NGEF: variants seen among roughly 807,000 people sequenced by gnomAD.
NGEF encodes the protein neuronal guanine nucleotide exchange factor, also known as ephexin-1.
A neutral mutation model predicts 80.9 loss-of-function variants in NGEF; 31 were observed. The ratio of observed to expected loss-of-function variants is 0.38; its 90% CI spans 0.29 to 0.52. The LOEUF (loss-of-function observed/expected upper bound fraction) is 0.52. Ranked by LOEUF, NGEF falls within the 20% of genes least tolerant of loss-of-function variation. The pLI is 0.84. For synonymous variants in NGEF, 371 were observed against 370.2 expected, an observed-to-expected ratio of 1.00 and a Z score of -0.03; for missense variants, 709 against 926.2, an observed-to-expected ratio of 0.77 and a Z score of 3.04.
intron 3 of NGEF, among the ~76,000 whole-genome samples, chr2:232,929,407 C>T (rs1002780312): frequency 2.6e-5 from 4 of 152,148 alleles, no homozygotes; most frequent in Non-Finnish European, 4.4e-5. Context: ...GCTCTCCTCC[C>T]CACGTGGTCT....
chr2:232,883,875 C>T lies in NGEF; in HGVS notation c.1601+106G>A, dbSNP rs1302975385. ...CAGACCTTTAAACCTGACCGAAGAG[C>T]CCAAGCTCTGTCCCGACACCCCCAA... is the stretch of plus-strand genomic sequence containing the variant. On this transcript the variant is annotated intron_variant, in intron 11 of 14. Transcript: ENST00000264051. The T allele has an allele frequency of 1.4e-5, 17 of 1,223,278 alleles. No homozygotes were observed. The Admixed American group carries it at 4.6e-4, about 33-fold the overall frequency. The allele number at this position is 1,223,278 out of a possible 1,614,324, so 75.8% of individuals were successfully genotyped here. A position where few individuals can be genotyped will look rare whatever the true frequency, so the allele number is the denominator to read the frequency against.
chr2:232,888,654 G>GTGTAT (rs1431790379), intron 8 of NGEF, among the ~76,000 whole-genome samples: 80 of 152,344 alleles, frequency 5.3e-4, no homozygotes, highest in African/African-American at 1.9e-3. Flanking sequence ...CAGCAGTGAG[G>GTGTAT]ACTGTCACGC....
rs1691413793 is a variant in NGEF, at chr2:232,879,430, C to CCA, written c.*58_*59insTG. ...CCTGTGCTTCCCAGAGCCCCCCCCC[C>CCA]CCCACCTTCTGTCGGGGTCTCATGC... On this transcript the variant is annotated 3_prime_UTR_variant, in exon 15 of 15. Coordinates refer to ENST00000264051, the MANE Select transcript of NGEF (RefSeq NM_019850.3). 7 of 1,465,556 alleles carry CCA rather than the reference C, an allele frequency of 4.8e-6. No individual in the cohort carries two copies. The South Asian group carries it at 9.3e-5, about 19-fold the overall frequency. 90.8% of individuals were successfully genotyped at this position (1,465,556 alleles called of 1,614,324 possible). A position where few individuals can be genotyped will look rare whatever the true frequency, so the allele number is the denominator to read the frequency against.
chr2:232,970,936 A>G (rs1381626776), intron 2 of NGEF, among the ~76,000 whole-genome samples: 2 of 152,250 alleles, frequency 1.3e-5, no homozygotes, highest in Non-Finnish European at 2.9e-5. Context: ...AGGGCAATAA[A>G]ACCATAACGA....
intron 1 of NGEF, among the ~76,000 whole-genome samples, chr2:232,975,315 A>C (rs1323425321): frequency 6.6e-6 from 1 of 152,220 alleles, no homozygotes; most frequent in Admixed American, 6.5e-5. Context: ...GAGGGACCGT[A>C]AATGTCTAGA....
At chr2:232,898,688 C>T (rs1692173029) in intron 5 of NGEF, among the ~76,000 whole-genome samples, 1 of 152,224 alleles carries the variant, frequency 6.6e-6, no homozygotes, top group Non-Finnish European at 1.5e-5. Flanking sequence ...TCCTTCGTTC[C>T]ACAAATGCTC....
rs1225717174 is a variant in NGEF at position 232,891,446 on chromosome 2, T to C, written c.1184A>G (p.Glu395Gly). ...CAGCCCCCTGCACTTGGGGTCGAGC[T>C]CTAGCTGCGCGATCAGCTCCCGGAA... ...AAFRELIAQLELDPKCRGLPF... is the reference protein window; with the variant it reads ...AAFRELIAQLGLDPKCRGLPF... The change falls in exon 8 of 15, where the codon GAG becomes GGG. Residue 395 changes from glutamate (E) to glycine (G), a missense_variant. Physicochemically the swap from Glu to Gly is moderately conservative, Grantham distance 98 (BLOSUM62 -2). This residue lies in a region of NGEF where 426 missense variants were observed against 622.9 expected (regional missense o/e 0.68). Coordinates refer to ENST00000264051, the MANE Select transcript of NGEF (RefSeq NM_019850.3). 1.2e-6 allele frequency: 2 copies of C among 1,613,190 alleles called. No homozygotes were observed. The highest frequency in any genetic ancestry group is 1.1e-5 in the South Asian group (1 of 91,084).
intron 3 of NGEF, among the ~76,000 whole-genome samples, chr2:232,929,656 G>A (rs1210280564): frequency 1.3e-5 from 2 of 152,182 alleles, no homozygotes; most frequent in Non-Finnish European, 2.9e-5. Context: ...ATGGACCCAG[G>A]TATCTCCAGG....
At chr2:232,912,801 G>C (rs1246698575) in intron 5 of NGEF, among the ~76,000 whole-genome samples, 3 of 152,088 alleles carry the variant, frequency 2.0e-5, no homozygotes, top group Non-Finnish European at 4.4e-5. Flanking sequence ...GTGTAGAATT[G>C]TTCATAATAT....
intron 1 of NGEF, among the ~76,000 whole-genome samples, chr2:232,976,763 A>C (rs1352950107): frequency 1.3e-5 from 2 of 152,190 alleles, no homozygotes; most frequent in Non-Finnish European, 2.9e-5. Flanking sequence ...CAGGGGCACA[A>C]CCTGAGCTCA....
chr2:232,973,332 T>C (rs1296324205), intron 2 of NGEF, among the ~76,000 whole-genome samples: 1 of 152,234 alleles, frequency 6.6e-6, no homozygotes, highest in African/African-American at 2.4e-5. Context: ...ATTTCAATCA[T>C]TGTATTTTTC....
intron 8 of NGEF, among the ~76,000 whole-genome samples, chr2:232,889,869 GTCTGACC>G (rs1691819583): frequency 2.0e-5 from 3 of 152,254 alleles, no homozygotes. Context: ...CCTCTCACCT[GTCTGACC>G]TCTGACCTCT....
chr2:232,959,193 C>T (rs1405011032), intron 3 of NGEF, among the ~76,000 whole-genome samples: 1 of 152,052 alleles, frequency 6.6e-6, no homozygotes, highest in African/African-American at 2.4e-5. Flanking sequence ...GCAGTTTTCC[C>T]CTTGAGAAAT....
At chr2:232,942,277 T>G (rs1693452717) in intron 3 of NGEF, among the ~76,000 whole-genome samples, 1 of 152,234 alleles carries the variant, frequency 6.6e-6, no homozygotes, top group African/African-American at 2.4e-5. Context: ...CTCTCTGTCC[T>G]GTTGGACTGG....
At chr2:232,916,002 C>A (rs1396126641) in intron 5 of NGEF, among the ~76,000 whole-genome samples, 1 of 152,122 alleles carries the variant, frequency 6.6e-6, no homozygotes, top group African/African-American at 2.4e-5. Flanking sequence ...TCTGCTCTAT[C>A]TTTTTGTCTA....
Position 232,990,144 on chromosome 2 carries a change from G to A in NGEF, c.-74-15180C>T, listed in dbSNP as rs775498319. On this transcript the variant is annotated intron_variant, in intron 1 of 14. Coordinates refer to ENST00000264051, the MANE Select transcript of NGEF (RefSeq NM_019850.3). ...TCATAATTTGTAGGTGACATGACTT[G>A]TATACCTAGAAAACTCCAAAGAACC... Among the ~76,000 whole-genome samples, 252 of 152,122 alleles carry A rather than the reference G, an allele frequency of 1.7e-3. 1 individual carries two copies. Among genetic ancestry groups the A allele is most frequent in the Non-Finnish European group, 2.1e-3 (141 of 68,004 alleles).
intron 5 of NGEF, among the ~76,000 whole-genome samples, chr2:232,904,190 G>T (rs1462863541): frequency 6.6e-6 from 1 of 152,144 alleles, no homozygotes; most frequent in African/African-American, 2.4e-5. Flanking sequence ...ACACCCCACA[G>T]CCTGGGCAGG....
chr2:232,943,565 G>C (rs534332242), intron 3 of NGEF, among the ~76,000 whole-genome samples: 152 of 149,854 alleles, frequency 1.0e-3, no homozygotes, highest in African/African-American at 3.6e-3. Context: ...GCGCGATCTC[G>C]GCTCACTGCA....
chr2:232,896,396 G>C (rs892169602), intron 5 of NGEF, among the ~76,000 whole-genome samples: 1 of 152,248 alleles, frequency 6.6e-6, no homozygotes, highest in Non-Finnish European at 1.5e-5. Context: ...AGAGCTGTCA[G>C]AGGGAGCACA....
Sources: allele counts gnomAD v4.1 joint callset (sites outside exome capture counted in the v4.1 genomes callset), GRCh38; gene constraint gnomAD v4.1.1; regional missense constraint gnomAD v4.1.1; transcripts MANE v1.5; gene names NCBI Gene and HGNC (gene_info 2026-07-23, HGNC 2026-07-21).